Variants in BAIAP3 observed in about 807,000 individuals in gnomAD.
BAIAP3 encodes BAI1 associated protein 3, also known as BAI1-associated protein 3.
A neutral mutation model predicts 149.7 loss-of-function variants in BAIAP3; 180 were observed. That is an observed-to-expected ratio of 1.20 (90% CI 1.07 to 1.36). BAIAP3 has a LOEUF of 1.36. BAIAP3 is among the 40% of genes most tolerant of loss of function. The pLI is 0.00. For missense variants in BAIAP3, 1,767 were observed against 1,563.4 expected, an observed-to-expected ratio of 1.13 and a Z score of -2.20; for synonymous variants, 845 against 670.7, an observed-to-expected ratio of 1.26 and a Z score of -4.02.
At chr16:1,338,192 G>T (rs1360509030) in intron 1 of BAIAP3, among the ~76,000 whole-genome samples, 8 of 152,142 alleles carry the variant, frequency 5.3e-5, no homozygotes, top group Non-Finnish European at 1.2e-4. Context: ...TCGCGGGGAG[G>T]GGTGTGGGGG....
chr16:1,346,349 C>A lies in BAIAP3; in HGVS notation c.2481C>A (p.His827Gln), dbSNP rs1296266873. Residue 827 changes from histidine to glutamine, a missense_variant, in exon 25 of 34, where the codon CAC becomes CAA. Physicochemically the swap from His to Gln is conservative, Grantham distance 24 (BLOSUM62 0). Coordinates refer to ENST00000426824, the MANE Select transcript of BAIAP3 (RefSeq NM_001199097.2). ...GGGAGGCCCACACGGTGACAGCGCA[C>A]CTGACCTCTAAGGTGGGTGGGGCCT... is the stretch of plus-strand genomic sequence containing the variant. ...LQREAHTVTA[H>Q]LTSKMVGDIR... is the part of the protein sequence containing the mutation. The A allele has an allele frequency of 1.2e-6, 2 of 1,607,708 alleles. No individual in the cohort carries two copies. Among genetic ancestry groups the A allele is most frequent in the African/African-American group, 1.3e-5 (1 of 74,942 alleles).
rs561927281 is a variant in BAIAP3, at chr16:1,342,975, C to G, written c.1224C>G (p.His408Gln). Residue 408 changes from histidine to glutamine, a missense_variant, in exon 14 of 34, where the codon CAC becomes CAG. His to Gln is a conservative substitution (Grantham distance 24). Coordinates refer to ENST00000426824, the MANE Select transcript of BAIAP3 (RefSeq NM_001199097.2). ...STPAATILCLHGAQSNLSPLQ... is the reference protein window; with the variant it reads ...STPAATILCLQGAQSNLSPLQ... ...CAGCCGCCACCATCCTCTGCCTGCA[C>G]GGAGCCCAGAGCAACCTGTCACCCT... The G allele has an allele frequency of 1.2e-6, 2 of 1,611,458 alleles. No individual in the cohort carries two copies. The highest frequency in any genetic ancestry group is 1.7e-6 in the Non-Finnish European group (2 of 1,179,976).
chr16:1,334,652 T>C (rs2033343184), intron 1 of BAIAP3: 3 of 1,547,130 alleles, frequency 1.9e-6, no homozygotes, highest in East Asian at 2.4e-5. Context: ...ATTCCCGGGG[T>C]TCGACTGGAA....
rs2033947484 is a variant in BAIAP3 at position 1,341,867 on chromosome 16, G to C, written c.776+1G>C. On this transcript the variant is annotated splice_donor_variant, in intron 9 of 33. Coordinates refer to ENST00000426824, the MANE Select transcript of BAIAP3 (RefSeq NM_001199097.2). LOFTEE classifies it high-confidence loss of function. ...CGGACCAGCTGCACCTGGACATCTG[G>C]TACAGGCCCCTGCGCCATGCAGGGC... is the stretch of plus-strand genomic sequence containing the variant. 12 of 1,612,204 alleles carry C rather than the reference G, an allele frequency of 7.4e-6. No individual in the cohort carries two copies. The highest frequency in any genetic ancestry group is 1.0e-5 in the Non-Finnish European group (12 of 1,179,770).
At chr16:1,334,891 A>G in intron 1 of BAIAP3, 1 of 815,894 alleles carries the variant, frequency 1.2e-6, no homozygotes, top group Non-Finnish European at 2.0e-6. Flanking sequence ...TGTGGGGCAG[A>G]TGTCCTGCCA....
chr16:1,344,675 TGTGTACGCCAGCCTCTTCCACAG>T lies in BAIAP3; in HGVS notation c.1738_1757+3del. 1 of 1,613,466 alleles carries T rather than the reference TGTGTACGCCAGCCTCTTCCACAG, an allele frequency of 6.2e-7. No individual in the cohort carries two copies. The highest frequency in any genetic ancestry group is 8.5e-7 in the Non-Finnish European group (1 of 1,180,008). ...ATGATGACCTTCAGTTCTGCTACAGTGTGTACGCCAGCCTCTTCCACAGGTGGGCCTGGCCCCTCAGTGCTGTC... is the reference window on the plus strand; with the variant it reads ...ATGATGACCTTCAGTTCTGCTACAGTGTGGGCCTGGCCCCTCAGTGCTGTC... On this transcript the variant is annotated frameshift_variant and splice_region_variant, in exon 19 of 34. Coordinates refer to ENST00000426824, the MANE Select transcript of BAIAP3 (RefSeq NM_001199097.2). LOFTEE classifies it high-confidence loss of function.
At position 1,339,006 on chromosome 16, in the gene BAIAP3, C is replaced by CAGGGCCCGAT; in HGVS notation, c.219+19_219+28dup. The CAGGGCCCGAT allele has an allele frequency of 6.2e-7, 1 of 1,612,358 alleles. No homozygotes were observed. Among genetic ancestry groups the CAGGGCCCGAT allele is most frequent in the Non-Finnish European group, 8.5e-7 (1 of 1,179,642 alleles). ...TGCCTCGAGGTAAGGGTGCCACCCCCAGGGCCCGATACCACAGCCCAGCAT... is the reference window on the plus strand; with the variant it reads ...TGCCTCGAGGTAAGGGTGCCACCCCCAGGGCCCGATAGGGCCCGATACCACAGCCCAGCAT... On this transcript the variant is annotated intron_variant, in intron 3 of 33. Transcript: ENST00000426824.
intron 32 of BAIAP3, 24 bp from the exon 33 acceptor site, chr16:1,348,072 C>CT (rs2034509852): frequency 1.0e-5 from 15 of 1,475,270 alleles, no homozygotes; most frequent in Admixed American, 2.1e-5. Context: ...CGGAGCGAGA[C>CT]TCCCGACTGG....
Position 1,344,293 on chromosome 16 carries a change from C to T in BAIAP3, c.1578C>T (p.Asn526=), listed in dbSNP as rs1400505752. The T allele has an allele frequency of 1.9e-6, 3 of 1,613,812 alleles. No individual in the cohort carries two copies. The highest frequency in any genetic ancestry group is 2.5e-6 in the Non-Finnish European group (3 of 1,180,028). Residue 526 remains asparagine (N), a synonymous_variant, in exon 17 of 34, where the codon AAC becomes AAT. Transcript: ENST00000426824. ...FEICPFESEL[N]MDIAAALKRG... ...TCTGCCCCTTCGAGTCGGAGCTGAA[C>T]ATGGACATTGCTGCGGCCCTGAAGG...
rs990229726 is a variant in BAIAP3, at chr16:1,348,849, T to C, written c.*367T>C. The C allele has an allele frequency of 1.0e-5, 4 of 385,500 alleles. No homozygotes were observed. Among genetic ancestry groups the C allele is most frequent in the Admixed American group, 4.1e-5 (1 of 24,232 alleles). The allele number at this position is 385,500 out of a possible 1,614,324, so 23.9% of individuals were successfully genotyped here. A position where few individuals can be genotyped will look rare whatever the true frequency, so the allele number is the denominator to read the frequency against. ...GGTCTCCAGGGACTCAGTGAGTGGC[T>C]GTGCTCTCTGCACAACGGGCAATGT... On this transcript the variant is annotated 3_prime_UTR_variant, in exon 34 of 34. Transcript: ENST00000426824.
chr16:1,348,473 G>A lies in BAIAP3; in HGVS notation c.3450G>A (p.Ala1150=), dbSNP rs768938406. The A allele has an allele frequency of 5.0e-6, 8 of 1,608,594 alleles. 1 individual carries two copies. The highest frequency in any genetic ancestry group is 2.2e-5 in the East Asian group (1 of 44,638). ...KLKELEKCME[A]DP is the part of the protein sequence containing the mutation. The stretch of plus-strand genomic sequence containing the variant: ...AGGAGCTGGAGAAGTGCATGGAGGC[G>A]GACCCCTGAGTCCATCAGCTGCCAG... The change falls in exon 34 of 34, where the codon GCG becomes GCA. Residue 1150 remains alanine, a synonymous_variant. Coordinates refer to ENST00000426824, the MANE Select transcript of BAIAP3 (RefSeq NM_001199097.2).
rs1005000645 is a variant in BAIAP3, at chr16:1,346,744, A to T, written c.2642+60A>T. 8 of 1,530,980 alleles carry T rather than the reference A, an allele frequency of 5.2e-6. No individual in the cohort carries two copies. The African/African-American group carries it at 1.1e-4, about 21-fold the overall frequency. 94.8% of individuals were successfully genotyped at this position (1,530,980 alleles called of 1,614,324 possible). A position where few individuals can be genotyped will look rare whatever the true frequency, so the allele number is the denominator to read the frequency against. On this transcript the variant is annotated intron_variant, in intron 27 of 33. Transcript: ENST00000426824. The stretch of plus-strand genomic sequence containing the variant: ...CCCGTGGTCACTGAGGCCGCCCTGC[A>T]GGGTGCCGGAGGCCCTGTGGGAGCT...
chr16:1,345,943 C>A, intron 23 of BAIAP3, 43 bp from the exon 24 acceptor site: 1 of 1,585,352 alleles, frequency 6.3e-7, no homozygotes, highest in Non-Finnish European at 8.6e-7. Flanking sequence ...GGAGATGGGG[C>A]AGGGGAGGGC....
At chr16:1,344,927 G>A (rs771393178) in intron 20 of BAIAP3, 42 bp from the exon 21 acceptor site, 2 of 1,613,402 alleles carry the variant, frequency 1.2e-6, no homozygotes, top group African/African-American at 2.7e-5. Flanking sequence ...ACGGTCCTGG[G>A]ATTCCTTGCT....
intron 1 of BAIAP3, among the ~76,000 whole-genome samples, chr16:1,337,186 G>A (rs1487258070): frequency 6.6e-6 from 1 of 152,174 alleles, no homozygotes; most frequent in Non-Finnish European, 1.5e-5. Flanking sequence ...CCTGTTGAAG[G>A]GGGTGTGCAG....
intron 5 of BAIAP3, among the ~76,000 whole-genome samples, chr16:1,340,183 A>G (rs1475927852): frequency 9.8e-6 from 1 of 102,302 alleles, no homozygotes; most frequent in African/African-American, 5.0e-5. Flanking sequence ...CTGCAGGTGC[A>G]CACAGACACA....
At chr16:1,348,344 C>T (rs146223320) in intron 33 of BAIAP3, 35 bp from the exon 34 acceptor site, 1 of 1,607,528 alleles carries the variant, frequency 6.2e-7, no homozygotes. Context: ...CGGGCCTGAC[C>T]CCGGCCCCCA....
In BAIAP3 at chr16:1,339,619, C is replaced by A. The variant is rs779735780; in HGVS notation, c.408+16C>A. 3.8e-5 allele frequency: 61 copies of A among 1,598,212 alleles called. No individual in the cohort carries two copies. The highest frequency in any genetic ancestry group is 5.0e-5 in the Non-Finnish European group (58 of 1,170,968). ...TCTCCAGCAGGTCAGCCCACCCTGA[C>A]CCCGACCCAGACCCTGACAGCTTCC... On this transcript the variant is annotated intron_variant, in intron 5 of 33. Coordinates refer to ENST00000426824, the MANE Select transcript of BAIAP3 (RefSeq NM_001199097.2).
chr16:1,347,344 A>G lies in BAIAP3; in HGVS notation c.2798A>G (p.Glu933Gly), dbSNP rs201328584. The G allele has an allele frequency of 9.0e-5, 145 of 1,613,522 alleles. 2 individuals carry two copies. The highest frequency in any genetic ancestry group is 6.5e-4 in the South Asian group (59 of 91,068). ...GCAGAGGGTCAGGGTTTGCCCCTGG[A>G]GAGCCTGAGGGATGGAAGCTACAAG... ...FHAEGQGLPL[E>G]SLRDGSYKRL... Residue 933 changes from glutamate (E) to glycine (G), a missense_variant, in exon 29 of 34, where the codon GAG becomes GGG. By Grantham distance (98) the Glu-to-Gly change is moderately conservative. Transcript: ENST00000426824.
Sources: allele counts gnomAD v4.1 joint callset (sites outside exome capture counted in the v4.1 genomes callset), GRCh38; gene constraint gnomAD v4.1.1; transcripts MANE v1.5; gene names NCBI Gene and HGNC (gene_info 2026-07-23, HGNC 2026-07-21).